TENM4: variants seen among roughly 807,000 people sequenced by gnomAD.
TENM4 encodes the protein teneurin transmembrane protein 4, also known as teneurin-4.
TENM4 carries 82 observed loss-of-function variants against 243.3 expected under a neutral mutation model. The observed-to-expected ratio is 0.34, with a 90% CI of 0.28 to 0.40. The LOEUF is 0.40. Ranked by LOEUF, TENM4 falls within the 10% of genes least tolerant of loss-of-function variation. TENM4 has a pLI of 1.00. For missense variants in TENM4, 3,138 were observed against 3,673.3 expected (o/e 0.85, Z 3.77); for synonymous variants, 1,412 against 1,456.3 (o/e 0.97, Z 0.69).
intron 1 of TENM4, among the ~76,000 whole-genome samples, chr11:79,328,997 C>T (rs1857019065): frequency 6.6e-6 from 1 of 152,204 alleles, no homozygotes; most frequent in Non-Finnish European, 1.5e-5. Context: ...AACTGTCCTT[C>T]TAGCTGGCAG....
intron 9 of TENM4, among the ~76,000 whole-genome samples, chr11:78,864,366 GGAGCTTGCAGT>G (rs1333017130): frequency 6.9e-6 from 1 of 143,922 alleles, no homozygotes; most frequent in Non-Finnish European, 1.5e-5. Flanking sequence ...CCTGGGAGGC[GGAGCTTGCAGT>G]GAGCCGAGAT....
intron 25 of TENM4, among the ~76,000 whole-genome samples, chr11:78,717,939 C>A (rs1859558989): frequency 6.6e-6 from 1 of 152,148 alleles, no homozygotes; most frequent in Non-Finnish European, 1.5e-5. Flanking sequence ...GAGGAAGATG[C>A]CCCATGGATT....
chr11:79,377,498 T>C (rs1415587411), intron 1 of TENM4, among the ~76,000 whole-genome samples: 1 of 152,196 alleles, frequency 6.6e-6, no homozygotes, highest in African/African-American at 2.4e-5. Context: ...TTTTTTTCCC[T>C]AGCTGATAAG....
At chr11:78,813,658 T>C (rs111664272) in intron 13 of TENM4, among the ~76,000 whole-genome samples, 1,671 of 152,356 alleles carry the variant, frequency 0.011, 18 homozygotes, top group Middle Eastern at 0.031. Flanking sequence ...ACTTTCCTTG[T>C]TAATTATTCC....
intron 1 of TENM4, among the ~76,000 whole-genome samples, chr11:79,369,357 T>C (rs1177290107): frequency 6.6e-6 from 1 of 152,172 alleles, no homozygotes; most frequent in Admixed American, 6.5e-5. Flanking sequence ...TTTCTCATCT[T>C]CCAAGGTTCA....
In TENM4 at chr11:78,864,832, A is replaced by C. The variant is rs142935448; in HGVS notation, c.1085-1700T>G. Among the ~76,000 whole-genome samples the C allele has an allele frequency of 2.7e-3, 413 of 152,330 alleles. 3 individuals carry two copies. The highest frequency in any genetic ancestry group is 9.5e-3 in the African/African-American group (396 of 41,574). ...TGGCAGATTCTGGAGAGCCAGAATGAAATCAGAGAGTCCTTGCTTCAGTGA... is the reference window on the plus strand; with the variant it reads ...TGGCAGATTCTGGAGAGCCAGAATGCAATCAGAGAGTCCTTGCTTCAGTGA... On this transcript the variant is annotated intron_variant, in intron 9 of 33. Coordinates refer to ENST00000278550, the MANE Select transcript of TENM4 (RefSeq NM_001098816.3).
chr11:79,388,559 T>C (rs1858163330), intron 1 of TENM4, among the ~76,000 whole-genome samples: 1 of 152,150 alleles, frequency 6.6e-6, no homozygotes, highest in Non-Finnish European at 1.5e-5. Context: ...TCTGGCTCCT[T>C]TGGGCGTAAG....
At chr11:79,202,216 G>T (rs1266712789) in intron 3 of TENM4, among the ~76,000 whole-genome samples, 2 of 152,164 alleles carry the variant, frequency 1.3e-5, no homozygotes, top group Non-Finnish European at 2.9e-5. Context: ...CACTCTGACT[G>T]CCAGGTCTTC....
At chr11:79,139,793 A>ATG (rs1439178273) in intron 4 of TENM4, among the ~76,000 whole-genome samples, 17 of 121,880 alleles carry the variant, frequency 1.4e-4, no homozygotes, top group African/African-American at 5.1e-4. Flanking sequence ...TATTATATTT[A>ATG]TATAAATATA....
chr11:78,915,360 C>T (rs649957), intron 6 of TENM4, among the ~76,000 whole-genome samples: 34,016 of 152,030 alleles, frequency 0.22, 3,981 homozygotes, highest in Middle Eastern at 0.31. Flanking sequence ...CCAGACTGTA[C>T]GCTCCAAGGG....
intron 2 of TENM4, among the ~76,000 whole-genome samples, chr11:79,257,745 G>A (rs950352908): frequency 6.6e-6 from 1 of 152,116 alleles, no homozygotes; most frequent in Non-Finnish European, 1.5e-5. Context: ...TCTCACACTG[G>A]CCCATTATTA....
chr11:78,669,196 T>C lies in TENM4; in HGVS notation c.7149A>G (p.Thr2383=). ...TGLMIKQILY[T]AYGEIYMDTN... The stretch of plus-strand genomic sequence containing the variant: ...TATCCATGTAGATCTCCCCATAGGC[T>C]GTGTACAGGATTTGCTTGATCATCA... Residue 2383 remains threonine (T), a synonymous_variant, in exon 32 of 34, where the codon ACA becomes ACG. Transcript: ENST00000278550. This position sits in a 1 kb window ranked among gnomAD's most constrained non-coding sequence, Gnocchi z 6.4. 1.2e-5 allele frequency: 20 copies of C among 1,612,462 alleles called. No individual in the cohort carries two copies. Among genetic ancestry groups the C allele is most frequent in the Non-Finnish European group, 1.7e-5 (20 of 1,179,372 alleles).
chr11:79,334,204 T>C (rs961094303), intron 1 of TENM4, among the ~76,000 whole-genome samples: 9 of 152,210 alleles, frequency 5.9e-5, no homozygotes, highest in Non-Finnish European at 1.0e-4. Context: ...GAACTGCTGC[T>C]GAGCAGGTGA....
chr11:79,085,233 G>A (rs762152040), intron 4 of TENM4, among the ~76,000 whole-genome samples: 9 of 151,834 alleles, frequency 5.9e-5, no homozygotes, highest in East Asian at 1.9e-4. Context: ...AAAAATTAGC[G>A]GGGTGTGGTG....
intron 10 of TENM4, among the ~76,000 whole-genome samples, chr11:78,859,364 C>T (rs914520388): frequency 5.9e-5 from 9 of 152,172 alleles, no homozygotes; most frequent in African/African-American, 2.2e-4. Flanking sequence ...ACAATTAGGG[C>T]TCCCCTACAG....
rs768426452 is a variant in TENM4, at chr11:78,812,122, C to T, written c.1978G>A (p.Val660Met). The T allele has an allele frequency of 1.3e-6, 2 of 1,549,466 alleles. No individual in the cohort carries two copies. Among genetic ancestry groups the T allele is most frequent in the African/African-American group, 2.7e-5 (2 of 73,018 alleles). ...PGYKGESCEEVDCMDPTCSGR... is the reference protein window; with the variant it reads ...PGYKGESCEEMDCMDPTCSGR... ...CGGAGCTGCCACCTGCAACTCTTACCTTCCTCACAGCTCTCGCCCTTGTAG... is the reference window on the plus strand; with the variant it reads ...CGGAGCTGCCACCTGCAACTCTTACTTTCCTCACAGCTCTCGCCCTTGTAG... The change falls in exon 14 of 34, where the codon GTG becomes ATG. Residue 660 changes from valine (V) to methionine (M), a missense_variant and splice_region_variant. Physicochemically the swap from Val to Met is conservative, Grantham distance 21. Around this residue, in one of 2 missense-constraint regions of TENM4, gnomAD observed 2,467 missense variants for 3,059.1 expected, o/e 0.81. Transcript: ENST00000278550.
At chr11:79,134,290 G>A (rs1862067356) in intron 4 of TENM4, among the ~76,000 whole-genome samples, 1 of 152,020 alleles carries the variant, frequency 6.6e-6, no homozygotes. Flanking sequence ...GCCTAACCAA[G>A]GAGTCAAAAG....
intron 6 of TENM4, among the ~76,000 whole-genome samples, chr11:79,026,733 G>T (rs1859089897): frequency 6.6e-6 from 1 of 152,220 alleles, no homozygotes; most frequent in Admixed American, 6.5e-5. Flanking sequence ...TTGTTAGGTT[G>T]AATGAAGTAC....
At chr11:79,316,687 C>T (rs1054962669) in intron 1 of TENM4, among the ~76,000 whole-genome samples, 2 of 152,166 alleles carry the variant, frequency 1.3e-5, no homozygotes, top group African/African-American at 2.4e-5. Context: ...GTTTGCTCCC[C>T]CAGCCCCAGG....
Sources: allele counts gnomAD v4.1 joint callset (sites outside exome capture counted in the v4.1 genomes callset), GRCh38; gene constraint gnomAD v4.1.1; regional missense constraint gnomAD v4.1.1; non-coding constraint Gnocchi (gnomAD v3.1); transcripts MANE v1.5; gene names NCBI Gene and HGNC (gene_info 2026-07-23, HGNC 2026-07-21).